UXS1: variants seen among roughly 807,000 people sequenced by gnomAD.
UXS1 encodes UDP-glucuronate decarboxylase 1.
UXS1 carries 33 observed loss-of-function variants against 62.6 expected under a neutral mutation model. That is an observed-to-expected ratio of 0.53 (90% CI 0.40 to 0.70). The LOEUF (loss-of-function observed/expected upper bound fraction) is 0.70. Ranked by LOEUF, UXS1 falls within the 30% of genes least tolerant of loss-of-function variation. The probability of loss-of-function intolerance (pLI) is 0.00; values close to 1 mark genes in which losing one functional copy is unlikely to be tolerated. For synonymous variants in UXS1, 213 were observed against 206.8 expected (o/e 1.03, Z -0.26); for missense variants, 434 against 556.3 (o/e 0.78, Z 2.21).
Position 106,149,190 on chromosome 2 carries a change from A to G in UXS1, c.292-3820T>C, listed in dbSNP as rs548626045. On this transcript the variant is annotated intron_variant, in intron 5 of 14. Transcript: ENST00000283148. ...AACCTATGAGATGGCAGATGAGGGG[A>G]AAAAAAAAACTAAGTCTGTTTGCTG... Among the ~76,000 whole-genome samples the G allele has an allele frequency of 5.4e-4, 81 of 149,574 alleles. 1 individual carries two copies. Among genetic ancestry groups the G allele is most frequent in the African/African-American group, 1.8e-3 (73 of 40,256 alleles).
rs1677556730 is a variant in UXS1, at chr2:106,101,117, C to T, written c.925G>A (p.Asp309Asn). 5 of 1,612,600 alleles carry T rather than the reference C, an allele frequency of 3.1e-6. No homozygotes were observed. The highest frequency in any genetic ancestry group is 1.1e-5 in the South Asian group (1 of 90,964). ...SQTRAFQYVS[D>N]LVNGLVALMN... is the part of the protein sequence containing the mutation. ...AGAGCCACGAGGCCATTCACTAGAT[C>T]GCTGGAAAAAAAGGGGAGGCAGGTG... Residue 309 changes from aspartate (D) to asparagine (N), a missense_variant and splice_region_variant, in exon 12 of 15, where the codon GAT becomes AAT. Asp to Asn is a conservative substitution (Grantham distance 23). Coordinates refer to ENST00000283148, the MANE Select transcript of UXS1 (RefSeq NM_001253875.2).
intron 10 of UXS1, among the ~76,000 whole-genome samples, chr2:106,106,718 ATG>A (rs576825058): frequency 3.1e-4 from 47 of 152,338 alleles, no homozygotes; most frequent in African/African-American, 1.1e-3. Flanking sequence ...CTTCTGATAC[ATG>A]TGAGGAAGGT....
chr2:106,107,653 G>C lies in UXS1; in HGVS notation c.880-2816C>G, dbSNP rs72945671. ...CTTAATCCCAAAGGGCTGCAGCCTG[G>C]GAAGTCCAAAAGGCTCCCAAAATAA... On this transcript the variant is annotated intron_variant, in intron 10 of 14. Coordinates refer to ENST00000283148, the MANE Select transcript of UXS1 (RefSeq NM_001253875.2). Among the ~76,000 whole-genome samples, 1,114 of 152,304 alleles carry C rather than the reference G, an allele frequency of 7.3e-3. 13 individuals are homozygous for C. Among genetic ancestry groups the C allele is most frequent in the African/African-American group, 0.025 (1,045 of 41,572 alleles).
chr2:106,149,614 G>A (rs930094909), intron 5 of UXS1, among the ~76,000 whole-genome samples: 8 of 152,104 alleles, frequency 5.3e-5, no homozygotes, highest in African/African-American at 1.9e-4. Flanking sequence ...CCAGCCTCCA[G>A]AACCATGAGC....
intron 5 of UXS1, among the ~76,000 whole-genome samples, chr2:106,152,988 G>A (rs1682155068): frequency 6.6e-6 from 1 of 152,184 alleles, no homozygotes; most frequent in African/African-American, 2.4e-5. Context: ...TGAAAACAGT[G>A]CACTCAAAAG....
At chr2:106,194,124 A>C in intron 1 of UXS1, 24 bp downstream of exon 1, 27 of 1,459,338 alleles carry the variant, frequency 1.9e-5, no homozygotes, top group Non-Finnish European at 2.4e-5. Flanking sequence ...GGGGCTCCCC[A>C]GCTGGCAGCG....
At chr2:106,110,405 A>C (rs1249504848) in intron 10 of UXS1, among the ~76,000 whole-genome samples, 1 of 152,158 alleles carries the variant, frequency 6.6e-6, no homozygotes. Flanking sequence ...GGAGGCACTA[A>C]ATCAAGCTGC....
intron 7 of UXS1, 94 bp from the exon 8 acceptor site, chr2:106,125,773 A>C: frequency 9.5e-7 from 1 of 1,058,098 alleles, no homozygotes; most frequent in Non-Finnish European, 1.3e-6. Flanking sequence ...AGTATTAAAG[A>C]CATTTAATTA....
At position 106,161,712 on chromosome 2, in the gene UXS1, G is replaced by A. The variant is rs115595755; in HGVS notation, c.230+1955C>T. ...TTACTTAGAATTTAAATTATCATTT[G>A]CCATCTATTCAAAGAACATTTAAAG... On this transcript the variant is annotated intron_variant, in intron 4 of 14. Transcript: ENST00000283148. 2.9e-3 allele frequency among the ~76,000 whole-genome samples: 441 copies of A among 152,182 alleles called. 2 individuals carry two copies. Among genetic ancestry groups the A allele is most frequent in the African/African-American group, 0.01 (416 of 41,510 alleles).
chr2:106,161,189 T>G (rs78929013), intron 4 of UXS1, among the ~76,000 whole-genome samples: 1 of 140,328 alleles, frequency 7.1e-6, no homozygotes, highest in African/African-American at 2.5e-5. Flanking sequence ...GCACAAGGCC[T>G]TTTTTTTTTT....
chr2:106,166,699 C>CTTTTT (rs10659239), intron 1 of UXS1, among the ~76,000 whole-genome samples: 3 of 126,988 alleles, frequency 2.4e-5, no homozygotes, highest in Non-Finnish European at 3.2e-5. Context: ...GCAGGTGAAG[C>CTTTTT]TTTTTTTTTT....
chr2:106,129,732 G>A lies in UXS1; in HGVS notation c.519C>T (p.Tyr173=), dbSNP rs1201294925. 6.2e-7 allele frequency: 1 copy of A among 1,612,216 alleles called. No homozygotes were observed. The highest frequency in any genetic ancestry group is 1.1e-5 in the South Asian group (1 of 90,548). The change falls in exon 7 of 15, where the codon TAC becomes TAT. Residue 173 remains tyrosine (Y), a synonymous_variant. Coordinates refer to ENST00000283148, the MANE Select transcript of UXS1 (RefSeq NM_001253875.2). The stretch of plus-strand genomic sequence containing the variant: ...TTAATGTCTTGATAGGATTATACAT[G>A]TAGTTTGGAGGGGAGGCTGGAGATG... The part of the protein sequence containing the change: ...HLASPASPPN[Y]MYNPIKTLKT...
chr2:106,137,011 AG>A (rs1478414880), intron 6 of UXS1, among the ~76,000 whole-genome samples: 1 of 147,280 alleles, frequency 6.8e-6, no homozygotes, highest in African/African-American at 2.5e-5. Context: ...AAAACCAGTG[AG>A]TTAATTTAGA....
chr2:106,151,208 TG>T (rs1248231176), intron 5 of UXS1, among the ~76,000 whole-genome samples: 42 of 152,206 alleles, frequency 2.8e-4, no homozygotes, highest in Non-Finnish European at 4.4e-5. Context: ...GAGTTGGTGC[TG>T]GAACAAGTTA....
chr2:106,190,365 C>G (rs952501642), intron 1 of UXS1, among the ~76,000 whole-genome samples: 6 of 152,158 alleles, frequency 3.9e-5, no homozygotes, highest in African/African-American at 1.4e-4. Context: ...AACAAAGTCA[C>G]TAGGTAATAT....
intron 5 of UXS1, among the ~76,000 whole-genome samples, chr2:106,151,502 C>T (rs769009853): frequency 5.2e-4 from 79 of 152,148 alleles, no homozygotes; most frequent in Non-Finnish European, 9.7e-4. Context: ...CCACTCTCTG[C>T]CCTTCTGCCA....
intron 1 of UXS1, among the ~76,000 whole-genome samples, chr2:106,184,927 A>G (rs1403967571): frequency 6.6e-6 from 1 of 152,230 alleles, no homozygotes; most frequent in Non-Finnish European, 1.5e-5. Context: ...CCAAAATGCA[A>G]AACTGATTAT....
At chr2:106,121,835 G>A (rs1679547840) in intron 9 of UXS1, among the ~76,000 whole-genome samples, 1 of 152,136 alleles carries the variant, frequency 6.6e-6, no homozygotes, top group African/African-American at 2.4e-5. Context: ...GAGAGTCCTC[G>A]ACATTCTCTC....
chr2:106,192,705 G>T (rs1685008935), intron 1 of UXS1, among the ~76,000 whole-genome samples: 1 of 152,046 alleles, frequency 6.6e-6, no homozygotes, highest in Non-Finnish European at 1.5e-5. Context: ...GGCCTTTCTG[G>T]GTTCAAATTT....
Sources: allele counts gnomAD v4.1 joint callset (sites outside exome capture counted in the v4.1 genomes callset), GRCh38; gene constraint gnomAD v4.1.1; transcripts MANE v1.5; gene names NCBI Gene and HGNC (gene_info 2026-07-23, HGNC 2026-07-21).